The following MASP2 variants were observed in gnomAD, a reference collection of about 807,000 sequenced individuals.
MASP2 encodes the protein mannan-binding lectin serine protease 2.
In MASP2, 49 loss-of-function variants were observed where a neutral mutation model predicts 57.1. That is an observed-to-expected ratio of 0.86 (90% CI 0.68 to 1.09). MASP2 has a LOEUF of 1.09. MASP2 is among the 50% of genes least tolerant of loss of function. The pLI is 0.00. For synonymous variants in MASP2, 379 were observed against 340.8 expected, an observed-to-expected ratio of 1.11 and a Z score of -1.24; for missense variants, 900 against 874.8, an observed-to-expected ratio of 1.03 and a Z score of -0.36.
intron 9 of MASP2, 56 bp downstream of exon 9, chr1:11,030,692 C>A: frequency 6.5e-7 from 1 of 1,529,042 alleles, no homozygotes; most frequent in East Asian, 2.3e-5. Flanking sequence ...ATTTTCAGAC[C>A]ATGGGGGCTC....
intron 7 of MASP2, among the ~76,000 whole-genome samples, chr1:11,036,510 C>CAAAAAAAA (rs35642467): frequency 7.2e-4 from 39 of 54,342 alleles, no homozygotes; most frequent in East Asian, 2.3e-3. Context: ...GACTCCGTCT[C>CAAAAAAAA]AAAAAAAAAA....
chr1:11,029,951 A>C, intron 10 of MASP2: 1 of 393,686 alleles, frequency 2.5e-6, no homozygotes, highest in Non-Finnish European at 4.5e-6. Context: ...ATGCTTGCCT[A>C]GTTATAAGGT....
At chr1:11,044,808 C>CAG in intron 4 of MASP2, 1 of 1,376,406 alleles carries the variant, frequency 7.3e-7, no homozygotes. Flanking sequence ...TGGGGTGGGG[C>CAG]CAGGTTTATT....
rs756947952 is a variant in MASP2, at chr1:11,043,419, A to G, written c.661T>C (p.Phe221Leu). ...TCCACAAAGTCCAGAATGACACTGA[A>G]CCCCTCCTCCAGGCTGATGCTGTAA... ...CTYSISLEEG[F>L]SVILDFVESF... is the part of the protein sequence containing the mutation. Residue 221 changes from phenylalanine (F) to leucine (L), a missense_variant, in exon 5 of 11, where the codon TTC (phenylalanine) becomes CTC (leucine). Coordinates refer to ENST00000400897, the MANE Select transcript of MASP2 (RefSeq NM_006610.4). The G allele has an allele frequency of 8.1e-6, 13 of 1,610,422 alleles. No homozygotes were observed. Among genetic ancestry groups the G allele is most frequent in the Non-Finnish European group, 1.1e-5 (13 of 1,178,896 alleles).
chr1:11,027,528 A>C lies in MASP2; in HGVS notation c.1418T>G (p.Leu473Ter). ...AGCTGTTAGGACCCAGTTGTCATAT[A>C]AAAGTGCACCTGCTGCTGTGGTTCC... ...LGGTTAAGAL[L>*]YDNWVLTAAH... Residue 473 changes from leucine to a stop codon, truncating the protein, a stop_gained, in exon 11 of 11, where the codon TTA (leucine) becomes TGA (stop). Coordinates refer to ENST00000400897, the MANE Select transcript of MASP2 (RefSeq NM_006610.4). LOFTEE classifies it low-confidence loss of function (END_TRUNC). 6.2e-7 allele frequency: 1 copy of C among 1,614,154 alleles called. No individual in the cohort carries two copies. Among genetic ancestry groups the C allele is most frequent in the Non-Finnish European group, 8.5e-7 (1 of 1,180,034 alleles).
Position 11,042,989 on chromosome 1 carries a change from A to G in MASP2, c.775T>C (p.Cys259Arg). The G allele has an allele frequency of 1.2e-6, 2 of 1,614,040 alleles. No homozygotes were observed. Among genetic ancestry groups the G allele is most frequent in the South Asian group, 1.1e-5 (1 of 91,088 alleles). The change falls in exon 6 of 11, where the codon TGT becomes CGT. Residue 259 changes from cysteine (C) to arginine (R), a missense_variant. Physicochemically the swap from Cys to Arg is radical, Grantham distance 180. Coordinates refer to ENST00000400897, the MANE Select transcript of MASP2 (RefSeq NM_006610.4). ...ATCCTGTGGGGCAATGTCTTCCCAC[A>G]GAATGGGCCATGTTCTTCTCTGTCT... ...QTDREEHGPF[C>R]GKTLPHRIET...
Position 11,045,447 on chromosome 1 carries a change from C to A in MASP2, c.505G>T (p.Ala169Ser), listed in dbSNP as rs78019538. The A allele has an allele frequency of 1.2e-6, 2 of 1,613,164 alleles. No individual in the cohort carries two copies. Among genetic ancestry groups the A allele is most frequent in the South Asian group, 1.1e-5 (1 of 91,080 alleles). ...TTGTTACGGTGCAGGACGTAGCCTG[C>A]GCGGCAGGAGCAGTAGAAACCGCCC... ...HLGGFYCSCR[A>S]GYVLHRNKRT... Residue 169 changes from alanine to serine, a missense_variant, in exon 4 of 11, where the codon GCA becomes TCA. Coordinates refer to ENST00000400897, the MANE Select transcript of MASP2 (RefSeq NM_006610.4).
At chr1:11,028,715 T>TG (rs1643786582) in intron 10 of MASP2, among the ~76,000 whole-genome samples, 1 of 145,832 alleles carries the variant, frequency 6.9e-6, no homozygotes, top group East Asian at 2.0e-4. Flanking sequence ...TCTTTTTTTT[T>TG]TTTTTTTTTT....
Position 11,027,030 on chromosome 1 carries a change from A to G in MASP2, c.1916T>C (p.Phe639Ser). The change falls in exon 11 of 11, where the codon TTT becomes TCT. Residue 639 changes from phenylalanine to serine, a missense_variant. Transcript: ENST00000400897. Reference protein sequence around the residue: ...CRGDSGGALVFLDSETERWFV... With the variant: ...CRGDSGGALVSLDSETERWFV... ...CCACCTCTCTGTTTCACTATCTAGAAACACCAGTGCCCCTCCGCTGTCACC... is the reference window on the plus strand; with the variant it reads ...CCACCTCTCTGTTTCACTATCTAGAGACACCAGTGCCCCTCCGCTGTCACC... The G allele has an allele frequency of 1.3e-6, 2 of 1,597,498 alleles. No individual in the cohort carries two copies. The highest frequency in any genetic ancestry group is 1.7e-6 in the Non-Finnish European group (2 of 1,172,282).
At chr1:11,046,100 C>A in intron 3 of MASP2, 1 of 266,970 alleles carries the variant, frequency 3.7e-6, no homozygotes. Flanking sequence ...GCAGCCTCCA[C>A]CTCGCAGGTT....
chr1:11,043,102 G>T, intron 5 of MASP2, 80 bp from the exon 6 acceptor site: 1 of 1,486,590 alleles, frequency 6.7e-7, no homozygotes, highest in Admixed American at 1.8e-5. Context: ...CACCTCCTCA[G>T]CATTTCAGGG....
intron 7 of MASP2, among the ~76,000 whole-genome samples, chr1:11,035,821 G>A (rs1643882065): frequency 1.3e-5 from 2 of 149,930 alleles, no homozygotes; most frequent in South Asian, 4.2e-4. Context: ...GCTTGAGCCT[G>A]AGAGGTCAAG....
chr1:11,036,965 G>A (rs1162697455), intron 7 of MASP2, among the ~76,000 whole-genome samples: 1 of 152,142 alleles, frequency 6.6e-6, no homozygotes, highest in Non-Finnish European at 1.5e-5. Context: ...CATGGAACAG[G>A]ATAGCAAACT....
chr1:11,029,062 G>A (rs1477015132), intron 10 of MASP2, among the ~76,000 whole-genome samples: 1 of 147,374 alleles, frequency 6.8e-6, no homozygotes, highest in African/African-American at 2.5e-5. Flanking sequence ...GCGCAATCTT[G>A]GCTCACTGCA....
chr1:11,032,608 CAAAAA>C (rs36074066), intron 8 of MASP2, among the ~76,000 whole-genome samples: 4 of 106,082 alleles, frequency 3.8e-5, no homozygotes, highest in African/African-American at 1.0e-4. Context: ...GAGACCCCGT[CAAAAA>C]AAAAAAAAAA....
At chr1:11,033,250 C>G (rs2100880871) in intron 8 of MASP2, among the ~76,000 whole-genome samples, 1 of 152,106 alleles carries the variant, frequency 6.6e-6, no homozygotes, top group South Asian at 2.1e-4. Context: ...ATCGCTTGAA[C>G]CTGGGAGGCA....
intron 7 of MASP2, among the ~76,000 whole-genome samples, chr1:11,036,300 C>A (rs1156551087): frequency 6.0e-5 from 9 of 150,430 alleles, no homozygotes; most frequent in Non-Finnish European, 4.4e-5. Context: ...GTCAGGAGAT[C>A]GAGACCATCC....
chr1:11,026,835 C>A lies in MASP2; in HGVS notation c.*50G>T. 7.0e-7 allele frequency: 1 copy of A among 1,437,996 alleles called. No homozygotes were observed. The highest frequency in any genetic ancestry group is 9.2e-7 in the Non-Finnish European group (1 of 1,089,324). 89.1% of individuals were successfully genotyped at this position (1,437,996 alleles called of 1,614,324 possible). The stretch of plus-strand genomic sequence containing the variant: ...TCTCGAGCCACGTCGCTGCCAAGGT[C>A]TTCACAGGCATTTCTAAAAATGAAG... On this transcript the variant is annotated 3_prime_UTR_variant, in exon 11 of 11. Transcript: ENST00000400897.
intron 10 of MASP2, among the ~76,000 whole-genome samples, chr1:11,029,236 G>A (rs1243744433): frequency 2.0e-5 from 3 of 151,014 alleles, no homozygotes; most frequent in African/African-American, 4.9e-5. Context: ...TCCTGACCTC[G>A]TGATCTTTCC....
Sources: allele counts gnomAD v4.1 joint callset (sites outside exome capture counted in the v4.1 genomes callset), GRCh38; gene constraint gnomAD v4.1.1; transcripts MANE v1.5; gene names NCBI Gene and HGNC (gene_info 2026-07-23, HGNC 2026-07-21).